TBXAS1: variants seen among roughly 807,000 people sequenced by gnomAD.
TBXAS1 encodes the protein thromboxane A synthase 1, also known as thromboxane-A synthase.
Under a neutral mutation model 60.7 loss-of-function variants are expected in TBXAS1, and 48 were observed. The observed-to-expected ratio is 0.79, with a 90% CI of 0.63 to 1.01. The LOEUF is 1.01. Among genes scored for constraint, TBXAS1 ranks in the 50% least tolerant of loss-of-function variants. The probability of loss-of-function intolerance (pLI) is 0.00; values close to 1 mark genes in which losing one functional copy is unlikely to be tolerated. For missense variants in TBXAS1, 685 were observed against 686.3 expected, an observed-to-expected ratio of 1.00 and a Z score of 0.02; for synonymous variants, 287 against 269.7, an observed-to-expected ratio of 1.06 and a Z score of -0.63.
At chr7:139,996,959 T>C (rs914872018) in intron 9 of TBXAS1, among the ~76,000 whole-genome samples, 28 of 152,248 alleles carry the variant, frequency 1.8e-4, no homozygotes, top group African/African-American at 5.8e-4. Context: ...TCCTGTCTTA[T>C]TGACCTATTT....
chr7:139,881,677 T>A, intron 3 of TBXAS1, among the ~76,000 whole-genome samples: 1 of 152,170 alleles, frequency 6.6e-6, no homozygotes, highest in Non-Finnish European at 1.5e-5. Context: ...AGAACATCTT[T>A]GTAAGTATCA....
At position 139,975,335 on chromosome 7, in the gene TBXAS1, C is replaced by T. The variant is rs1201737432; in HGVS notation, c.1134+13102C>T. 1.3e-5 allele frequency among the ~76,000 whole-genome samples: 2 copies of T among 152,148 alleles called. No individual in the cohort carries two copies. On this transcript the variant is annotated intron_variant, in intron 9 of 12. Coordinates refer to ENST00000448866, the MANE Select transcript of TBXAS1 (RefSeq NM_001061.7). The surrounding 1 kb of genome is among the most constrained non-coding windows in gnomAD (Gnocchi z 4.4). ...AATAACTTGAGAACATAAGATAATA[C>T]CCTAGGACAGGGCCTAGGTCGGATT...
chr7:139,809,260 T>TAGAC (rs1214894796), intron 4 of TBXAS1, among the ~76,000 whole-genome samples: 1 of 112,578 alleles, frequency 8.9e-6, no homozygotes, highest in African/African-American at 3.0e-5. Context: ...GATAGATAGA[T>TAGAC]AGATAGATAG....
chr7:139,834,271 A>G (rs1367543046), intron 1 of TBXAS1, among the ~76,000 whole-genome samples: 1 of 152,252 alleles, frequency 6.6e-6, no homozygotes, highest in African/African-American at 2.4e-5. Flanking sequence ...CTGAATGACA[A>G]TAATGACAAA....
chr7:139,953,303 C>G lies in TBXAS1; in HGVS notation c.451-65C>G. On this transcript the variant is annotated intron_variant, in intron 5 of 12. Coordinates refer to ENST00000448866, the MANE Select transcript of TBXAS1 (RefSeq NM_001061.7). ...AAAGCACTACATATAACCTCTTCAT[C>G]TGCAGCCAATTTAGGTGTACTCCCG... is the stretch of plus-strand genomic sequence containing the variant. 2.2e-6 allele frequency: 3 copies of G among 1,368,050 alleles called. No individual in the cohort carries two copies. The Admixed American group carries it at 5.0e-5, about 23-fold the overall frequency. 84.7% of individuals were successfully genotyped at this position (1,368,050 alleles called of 1,614,324 possible).
chr7:139,996,566 CA>C (rs1569523816), intron 9 of TBXAS1, among the ~76,000 whole-genome samples: 2 of 152,252 alleles, frequency 1.3e-5, no homozygotes, highest in Non-Finnish European at 2.9e-5. Flanking sequence ...GATGCTGCCC[CA>C]CCCATGTGGT....
chr7:140,020,286 AT>A lies in TBXAS1; in HGVS notation c.*189del, dbSNP rs1815458934. The A allele has an allele frequency of 2.8e-6, 2 of 706,370 alleles. No homozygotes were observed. The highest frequency in any genetic ancestry group is 5.1e-6 in the Non-Finnish European group (2 of 392,042). The allele number at this position is 706,370 out of a possible 1,614,324, so 43.8% of individuals were successfully genotyped here. A position where few individuals can be genotyped will look rare whatever the true frequency, so the allele number is the denominator to read the frequency against. ...AACGTTTGTTGCACTTGGTTTTGACATTGCCAATGGGGTTTGAACCAGTGCT... is the reference window on the plus strand; with the variant it reads ...AACGTTTGTTGCACTTGGTTTTGACATGCCAATGGGGTTTGAACCAGTGCT... On this transcript the variant is annotated 3_prime_UTR_variant, in exon 13 of 13. Transcript: ENST00000448866.
At chr7:140,009,383 C>A (rs1317765543) in intron 10 of TBXAS1, among the ~76,000 whole-genome samples, 3 of 152,158 alleles carry the variant, frequency 2.0e-5, no homozygotes, top group Admixed American at 6.5e-5. Context: ...GGGACACACA[C>A]CTGCTTGGCT....
At chr7:140,002,580 A>G (rs2116351778) in intron 9 of TBXAS1, among the ~76,000 whole-genome samples, 1 of 151,510 alleles carries the variant, frequency 6.6e-6, no homozygotes, top group South Asian at 2.1e-4. Flanking sequence ...TAGGGACTTG[A>G]GTTTTGTTGT....
chr7:139,792,789 T>C (rs1166260153), intron 4 of TBXAS1, among the ~76,000 whole-genome samples: 1 of 152,240 alleles, frequency 6.6e-6, no homozygotes, highest in Non-Finnish European at 1.5e-5. Flanking sequence ...GAGAAGGGTA[T>C]ACTTTCATCC....
chr7:139,868,510 G>T (rs1801589055), intron 1 of TBXAS1, among the ~76,000 whole-genome samples: 1 of 145,414 alleles, frequency 6.9e-6, no homozygotes, highest in Non-Finnish European at 1.5e-5. Context: ...TTGAGACGGG[G>T]TTTTGCTCTG....
At chr7:139,877,454 G>A (rs995651501) in intron 3 of TBXAS1, among the ~76,000 whole-genome samples, 24 of 152,070 alleles carry the variant, frequency 1.6e-4, no homozygotes, top group African/African-American at 4.6e-4. Flanking sequence ...ATAGAGTCTT[G>A]CTCTGTCGCC....
In TBXAS1 at chr7:139,904,039, T is replaced by G. The variant is rs566994186; in HGVS notation, c.237-7186T>G. On this transcript the variant is annotated intron_variant, in intron 3 of 12. Coordinates refer to ENST00000448866, the MANE Select transcript of TBXAS1 (RefSeq NM_001061.7). ...CGAAATCCTTGTCTAAACCAATGTC[T>G]AGAAAGGTTTTTCTAATATTATCTT... 5.1e-4 allele frequency among the ~76,000 whole-genome samples: 77 copies of G among 152,238 alleles called. 1 individual carries two copies. The highest frequency in any genetic ancestry group is 8.5e-4 in the Admixed American group (13 of 15,306).
At chr7:139,942,130 G>A (rs551945761) in intron 5 of TBXAS1, among the ~76,000 whole-genome samples, 1 of 152,154 alleles carries the variant, frequency 6.6e-6, no homozygotes, top group Admixed American at 6.5e-5. Context: ...TAGGAGAAAG[G>A]CATCTAAACT....
At chr7:139,797,345 G>A (rs371294408) in intron 4 of TBXAS1, 1 of 152,136 alleles carries the variant, frequency 6.6e-6, no homozygotes, top group Non-Finnish European at 1.5e-5. Flanking sequence ...GTGGCTGACC[G>A]GGTTACTTCT....
rs1584893175 is a variant in TBXAS1, at chr7:139,936,113, T to G, written c.334-78T>G. 7 of 1,349,046 alleles carry G rather than the reference T, an allele frequency of 5.2e-6. 2 individuals are homozygous for G. The highest frequency in any genetic ancestry group is 2.3e-5 in the East Asian group (1 of 43,698). 83.6% of individuals were successfully genotyped at this position (1,349,046 alleles called of 1,614,324 possible). A position where few individuals can be genotyped will look rare whatever the true frequency, so the allele number is the denominator to read the frequency against. On this transcript the variant is annotated intron_variant, in intron 4 of 12. Coordinates refer to ENST00000448866, the MANE Select transcript of TBXAS1 (RefSeq NM_001061.7). The stretch of plus-strand genomic sequence containing the variant: ...CCACTGATGGACTTTAACCAGGGTG[T>G]TTGTCATGGACCTGTATTGCCACCA...
rs1221615216 is a variant in TBXAS1 at position 139,846,803 on chromosome 7, A to G, written c.89+17324A>G. On this transcript the variant is annotated intron_variant, in intron 1 of 12. Transcript: ENST00000448866. ...AATGCGTATCAGACTTAGTAAGCTG[A>G]AGTGTCTTCGGGGGTGTTGGGGATG... is the stretch of plus-strand genomic sequence containing the variant. Among the ~76,000 whole-genome samples the G allele has an allele frequency of 3.3e-5, 5 of 152,160 alleles. No homozygotes were observed. In the East Asian group the frequency reaches 9.6e-4, roughly 29 times the overall value.
intron 1 of TBXAS1, 28 bp downstream of exon 1, chr7:139,829,507 G>A: frequency 2.5e-6 from 4 of 1,604,276 alleles, no homozygotes; most frequent in Non-Finnish European, 3.4e-6. Flanking sequence ...TAGGGACTGT[G>A]ACAGCGTCAG....
intron 5 of TBXAS1, among the ~76,000 whole-genome samples, chr7:139,945,325 T>G (rs1378709696): frequency 6.6e-6 from 1 of 152,190 alleles, no homozygotes; most frequent in Non-Finnish European, 1.5e-5. Flanking sequence ...AGCCCTTCAT[T>G]TAGGGATGAG....
Sources: allele counts gnomAD v4.1 joint callset (sites outside exome capture counted in the v4.1 genomes callset), GRCh38; gene constraint gnomAD v4.1.1; non-coding constraint Gnocchi (gnomAD v3.1); transcripts MANE v1.5; gene names NCBI Gene and HGNC (gene_info 2026-07-23, HGNC 2026-07-21).